The following PDZD2 variants were observed in gnomAD, a reference collection of about 807,000 sequenced individuals.
PDZD2 encodes the protein PDZ domain-containing protein 2.
In PDZD2, 90 loss-of-function variants were observed where a neutral mutation model predicts 220.7. The observed-to-expected ratio is 0.41, with a 90% CI of 0.34 to 0.49. PDZD2 has a LOEUF of 0.49. Ranked by LOEUF, PDZD2 falls within the 20% of genes least tolerant of loss-of-function variation. The probability of loss-of-function intolerance (pLI) is 0.28; values close to 1 mark genes in which losing one functional copy is unlikely to be tolerated. For synonymous variants in PDZD2, 1,375 were observed against 1,450.5 expected (o/e 0.95, Z 1.18); for missense variants, 3,174 against 3,608.5 (o/e 0.88, Z 3.08).
At chr5:31,676,877 C>G (rs1449090468) in intron 1 of PDZD2, among the ~76,000 whole-genome samples, 1 of 151,852 alleles carries the variant, frequency 6.6e-6, no homozygotes, top group Non-Finnish European at 1.5e-5. Context: ...TCAAGTGACT[C>G]GTCTAAGGCA....
chr5:31,779,282 A>G (rs1324882390), intron 1 of PDZD2, among the ~76,000 whole-genome samples: 5 of 152,180 alleles, frequency 3.3e-5, no homozygotes, highest in African/African-American at 1.2e-4. Context: ...GGGCTTGTGT[A>G]AATGACTTCT....
At chr5:31,819,114 A>G (rs962704855) in intron 2 of PDZD2, among the ~76,000 whole-genome samples, 1 of 152,188 alleles carries the variant, frequency 6.6e-6, no homozygotes, top group Non-Finnish European at 1.5e-5. Flanking sequence ...AGGATTCTCT[A>G]AGCATCTACA....
rs530220867 is a variant in PDZD2 at position 31,866,199 on chromosome 5, A to G, written c.476+66475A>G. On this transcript the variant is annotated intron_variant, in intron 2 of 24. Coordinates refer to ENST00000438447, the MANE Select transcript of PDZD2 (RefSeq NM_178140.4). ...TTTTTTATGAAGATGGGGTTTTGCC[A>G]TGTTGTCCAGGCTTGTTTCGAACTC... Among the ~76,000 whole-genome samples the G allele has an allele frequency of 3.3e-5, 5 of 151,514 alleles. No homozygotes were observed. In the South Asian group the frequency reaches 1.0e-3, roughly 32 times the overall value.
chr5:31,682,768 C>T (rs887981883), intron 1 of PDZD2, among the ~76,000 whole-genome samples: 2 of 151,592 alleles, frequency 1.3e-5, no homozygotes, highest in Non-Finnish European at 2.9e-5. Context: ...CCCTCAAAAG[C>T]CCTGCAGGTG....
chr5:31,828,931 C>T (rs74997381), intron 2 of PDZD2, among the ~76,000 whole-genome samples: 2,239 of 152,326 alleles, frequency 0.015, 56 homozygotes, highest in African/African-American at 0.051. Flanking sequence ...ACATATTAAA[C>T]AATTGCCATG....
intron 2 of PDZD2, among the ~76,000 whole-genome samples, chr5:31,859,909 G>A (rs141964053): frequency 2.8e-3 from 428 of 152,232 alleles, no homozygotes; most frequent in African/African-American, 9.9e-3. Flanking sequence ...GGGGCCCCGG[G>A]TAGTTGCCAG....
chr5:32,107,875 A>G (rs1554045531), intron 24 of PDZD2, 94 bp from the exon 25 acceptor site: 1 of 686,152 alleles, frequency 1.5e-6, no homozygotes, highest in Non-Finnish European at 2.4e-6. Flanking sequence ...TATTATTTAG[A>G]TATTTTTATC....
At chr5:31,863,320 G>T (rs1352726959) in intron 2 of PDZD2, among the ~76,000 whole-genome samples, 2 of 152,298 alleles carry the variant, frequency 1.3e-5, no homozygotes, top group East Asian at 3.9e-4. Flanking sequence ...TGGCATTTTG[G>T]AAGCACTGAT....
At chr5:32,009,057 T>G (rs1345765365) in intron 5 of PDZD2, among the ~76,000 whole-genome samples, 1 of 151,648 alleles carries the variant, frequency 6.6e-6, no homozygotes, top group Non-Finnish European at 1.5e-5. Flanking sequence ...TAAAAGATAC[T>G]GATCTAGCCG....
At chr5:31,892,120 G>C (rs1741105156) in intron 2 of PDZD2, among the ~76,000 whole-genome samples, 1 of 151,812 alleles carries the variant, frequency 6.6e-6, no homozygotes, top group Non-Finnish European at 1.5e-5. Context: ...TGATGCCCAG[G>C]CTGGCCTTGA....
At chr5:31,710,871 T>C (rs1053738646) in intron 1 of PDZD2, among the ~76,000 whole-genome samples, 1 of 150,588 alleles carries the variant, frequency 6.6e-6, no homozygotes, top group African/African-American at 2.4e-5. Context: ...TAGGTTGTTA[T>C]GGGAATTAAA....
At chr5:31,680,425 C>T (rs1193829843) in intron 1 of PDZD2, among the ~76,000 whole-genome samples, 3 of 152,106 alleles carry the variant, frequency 2.0e-5, no homozygotes, top group African/African-American at 4.8e-5. Context: ...ATAAAATTTC[C>T]GAGACCAACT....
intron 2 of PDZD2, among the ~76,000 whole-genome samples, chr5:31,903,656 AAAAAAAAGAAAG>A (rs1469973911): frequency 6.6e-6 from 1 of 151,004 alleles, no homozygotes; most frequent in Non-Finnish European, 1.5e-5. Context: ...AAAAAAAAAA[AAAAAAAAGAAAG>A]AAAAAAGAAA....
chr5:31,641,891 G>A (rs953546069), intron 1 of PDZD2, among the ~76,000 whole-genome samples: 4 of 152,048 alleles, frequency 2.6e-5, no homozygotes, highest in Non-Finnish European at 4.4e-5. Context: ...GATAAGGCCT[G>A]GAACAGTTGC....
At chr5:31,734,341 A>G (rs554725249) in intron 1 of PDZD2, among the ~76,000 whole-genome samples, 67 of 152,204 alleles carry the variant, frequency 4.4e-4, no homozygotes, top group African/African-American at 1.6e-3. Context: ...GTTTTTTGAG[A>G]TGGAGTCTCG....
At chr5:31,923,459 G>A in intron 2 of PDZD2, 1 of 1,070,134 alleles carries the variant, frequency 9.3e-7, no homozygotes. Flanking sequence ...TCCCTCTTGT[G>A]ATTTACCTGG....
intron 1 of PDZD2, among the ~76,000 whole-genome samples, chr5:31,732,926 G>A (rs1240930487): frequency 6.6e-6 from 1 of 152,106 alleles, no homozygotes; most frequent in East Asian, 1.9e-4. Flanking sequence ...ACAGGGTTTC[G>A]CCATGTTGGC....
intron 2 of PDZD2, among the ~76,000 whole-genome samples, chr5:31,846,957 A>G (rs1358192642): frequency 6.6e-6 from 1 of 152,222 alleles, no homozygotes; most frequent in Non-Finnish European, 1.5e-5. Flanking sequence ...AATTTGGATC[A>G]AGGCTTTTTA....
intron 2 of PDZD2, among the ~76,000 whole-genome samples, chr5:31,898,088 A>C (rs935735264): frequency 6.6e-6 from 1 of 152,106 alleles, no homozygotes; most frequent in African/African-American, 2.4e-5. Flanking sequence ...GACACTCATC[A>C]TTTGTCTCCT....
Sources: allele counts gnomAD v4.1 joint callset (sites outside exome capture counted in the v4.1 genomes callset), GRCh38; gene constraint gnomAD v4.1.1; transcripts MANE v1.5; gene names NCBI Gene and HGNC (gene_info 2026-07-23, HGNC 2026-07-21).